Variants in EPB41L4A observed in about 807,000 individuals in gnomAD.
The protein encoded by EPB41L4A is erythrocyte membrane protein band 4.1 like 4A.
Under a neutral mutation model 108.6 loss-of-function variants are expected in EPB41L4A, and 100 were observed. The ratio of observed to expected loss-of-function variants is 0.92; its 90% CI spans 0.78 to 1.09. The LOEUF (loss-of-function observed/expected upper bound fraction) is 1.09, where lower values mean the gene tolerates loss of function less well. EPB41L4A is among the 50% of genes least tolerant of loss of function. The pLI is 0.00. For missense variants in EPB41L4A, 1,030 were observed against 842.7 expected, an observed-to-expected ratio of 1.22 and a Z score of -2.75; for synonymous variants, 319 against 289.0, an observed-to-expected ratio of 1.10 and a Z score of -1.05.
At chr5:112,214,589 C>G (rs1747478035) in intron 12 of EPB41L4A, among the ~76,000 whole-genome samples, 1 of 152,094 alleles carries the variant, frequency 6.6e-6, no homozygotes, top group South Asian at 2.1e-4. Context: ...CAGTGAAACC[C>G]CATCTCTACT....
chr5:112,183,736 AT>A (rs1439928010), intron 18 of EPB41L4A, among the ~76,000 whole-genome samples: 1 of 152,250 alleles, frequency 6.6e-6, no homozygotes, highest in Non-Finnish European at 1.5e-5. Flanking sequence ...AAAGAAGACT[AT>A]TCCTATTTAT....
At chr5:112,149,980 T>C (rs918487475) in intron 12 of EPB41L4A, among the ~76,000 whole-genome samples, 2 of 152,096 alleles carry the variant, frequency 1.3e-5, no homozygotes, top group African/African-American at 4.8e-5. Context: ...AAAGGTAACA[T>C]CCTCAGTAAG....
intron 1 of EPB41L4A, among the ~76,000 whole-genome samples, chr5:112,393,762 C>T (rs1023043774): frequency 1.3e-5 from 2 of 152,264 alleles, no homozygotes; most frequent in Admixed American, 6.5e-5. Context: ...CATCCTGATA[C>T]CAAAGCCTGG....
At chr5:112,388,558 G>C (rs1054403017) in intron 1 of EPB41L4A, among the ~76,000 whole-genome samples, 1 of 152,180 alleles carries the variant, frequency 6.6e-6, no homozygotes, top group Admixed American at 6.5e-5. Flanking sequence ...TGAAGAGACC[G>C]AGAGAGAATG....
chr5:112,301,773 G>A (rs144065695), intron 2 of EPB41L4A, among the ~76,000 whole-genome samples: 119 of 152,216 alleles, frequency 7.8e-4, no homozygotes, highest in African/African-American at 2.8e-3. Context: ...GTATTTTGCT[G>A]TTTTAATTAA....
In EPB41L4A at chr5:112,164,850, A is replaced by C. The variant is rs1433776657; in HGVS notation, c.*140T>G. 17 of 936,552 alleles carry C rather than the reference A, an allele frequency of 1.8e-5. No homozygotes were observed. Among genetic ancestry groups the C allele is most frequent in the South Asian group, 7.0e-5 (3 of 42,702 alleles). 58.0% of individuals were successfully genotyped at this position (936,552 alleles called of 1,614,324 possible). ...ACATCTCAAAAAAAAAAAAAAAAAG[A>C]AGCAAAAGATAATGTATTTTCTCAT... On this transcript the variant is annotated 3_prime_UTR_variant, in exon 23 of 23. Coordinates refer to ENST00000261486, the MANE Select transcript of EPB41L4A (RefSeq NM_022140.5).
chr5:112,209,212 T>C (rs1324008995), intron 13 of EPB41L4A, among the ~76,000 whole-genome samples: 1 of 152,264 alleles, frequency 6.6e-6, no homozygotes, highest in Non-Finnish European at 1.5e-5. Context: ...GGGCAACCCC[T>C]ATAGAGAAAG....
intron 1 of EPB41L4A, among the ~76,000 whole-genome samples, chr5:112,339,451 T>C (rs1227818249): frequency 1.4e-5 from 2 of 145,182 alleles, no homozygotes; most frequent in African/African-American, 5.1e-5. Context: ...CAAGGAGATA[T>C]ATAGCTATAG....
rs1442088551 is a variant in EPB41L4A at position 112,319,259 on chromosome 5, GAAC to G, written c.100-11772_100-11770del. ...TCGCTAATCAAATTTGGGACAATCT[GAAC>G]AACAACAAAAAAAATGATAGTGTCA... On this transcript the variant is annotated intron_variant, in intron 1 of 22. Coordinates refer to ENST00000261486, the MANE Select transcript of EPB41L4A (RefSeq NM_022140.5). Among the ~76,000 whole-genome samples, 14 of 151,758 alleles carry G rather than the reference GAAC, an allele frequency of 9.2e-5. No individual in the cohort carries two copies. The East Asian group carries it at 1.5e-3, about 17-fold the overall frequency.
At chr5:112,314,782 G>A (rs941378628) in intron 1 of EPB41L4A, among the ~76,000 whole-genome samples, 1 of 145,742 alleles carries the variant, frequency 6.9e-6, no homozygotes, top group African/African-American at 2.7e-5. Context: ...GACGGAGCAA[G>A]ACTCCATCTC....
intron 12 of EPB41L4A, among the ~76,000 whole-genome samples, chr5:112,150,045 C>A (rs1218586393): frequency 6.6e-6 from 1 of 152,092 alleles, no homozygotes; most frequent in East Asian, 1.9e-4. Flanking sequence ...GGATGATTAG[C>A]CTATGTAGTA....
intron 2 of EPB41L4A, among the ~76,000 whole-genome samples, chr5:112,280,739 G>A (rs750443584): frequency 6.6e-6 from 1 of 152,218 alleles, no homozygotes; most frequent in Admixed American, 6.5e-5. Context: ...TTATCATACT[G>A]ATTATAATGT....
chr5:112,411,848 G>T (rs1439942640), intron 1 of EPB41L4A, among the ~76,000 whole-genome samples: 1 of 152,150 alleles, frequency 6.6e-6, no homozygotes, highest in Non-Finnish European at 1.5e-5. Context: ...AGGCAGCAGA[G>T]GTTCCAAGCC....
At chr5:112,417,414 C>G (rs761539272) in intron 1 of EPB41L4A, among the ~76,000 whole-genome samples, 6 of 152,176 alleles carry the variant, frequency 3.9e-5, no homozygotes, top group Non-Finnish European at 8.8e-5. Context: ...GTCTTAGTAT[C>G]TGATCATCAG....
chr5:112,350,483 T>C (rs1380869076), intron 1 of EPB41L4A, among the ~76,000 whole-genome samples: 5 of 152,236 alleles, frequency 3.3e-5, no homozygotes, highest in African/African-American at 1.2e-4. Context: ...GTTCTGAATA[T>C]TACAACTCAT....
At chr5:112,247,290 A>G (rs1750311208) in intron 9 of EPB41L4A, among the ~76,000 whole-genome samples, 1 of 152,178 alleles carries the variant, frequency 6.6e-6, no homozygotes, top group African/African-American at 2.4e-5. Context: ...AATTATTCCA[A>G]AATAGAATGT....
chr5:112,210,145 G>A, intron 12 of EPB41L4A, 163 bp from the exon 13 acceptor site: 2 of 516,090 alleles, frequency 3.9e-6, no homozygotes, highest in South Asian at 2.7e-5. Context: ...ATAAATTGGA[G>A]GTACTATTTT....
At chr5:112,212,204 C>A (rs2150315763) in intron 12 of EPB41L4A, among the ~76,000 whole-genome samples, 1 of 152,200 alleles carries the variant, frequency 6.6e-6, no homozygotes, top group Non-Finnish European at 1.5e-5. Context: ...ACAGGTAGAA[C>A]TCCATGTGGT....
intron 15 of EPB41L4A, among the ~76,000 whole-genome samples, chr5:112,202,958 T>A (rs1292750703): frequency 6.6e-6 from 1 of 151,982 alleles, no homozygotes; most frequent in East Asian, 1.9e-4. Context: ...ATCCCAGCAA[T>A]TTGGGAGACT....
Sources: gnomAD v4.1 joint callset for allele counts (sites outside exome capture counted in the v4.1 genomes callset) on GRCh38, gnomAD v4.1.1 for gene constraint, MANE v1.5 for transcripts, NCBI Gene and HGNC (gene_info 2026-07-23, HGNC 2026-07-21) for gene names.